Variants in NCAPG2 observed in about 807,000 individuals in gnomAD.
NCAPG2 encodes non-SMC condensin II complex subunit G2.
NCAPG2 carries 53 observed loss-of-function variants against 141.1 expected under a neutral mutation model. The ratio of observed to expected loss-of-function variants is 0.38; its 90% CI spans 0.30 to 0.47. NCAPG2 has a LOEUF of 0.47. NCAPG2 is among the 20% of genes least tolerant of loss of function. The pLI is 0.99. For missense variants in NCAPG2, 1,087 were observed against 1,389.0 expected (o/e 0.78, Z 3.46); for synonymous variants, 499 against 490.7 (o/e 1.02, Z -0.22).
intron 16 of NCAPG2, among the ~76,000 whole-genome samples, chr7:158,660,515 C>T (rs552431006): frequency 1.3e-5 from 2 of 148,782 alleles, no homozygotes; most frequent in African/African-American, 5.0e-5. Context: ...AAACTCTGGG[C>T]TCAAGCAATC....
chr7:158,643,940 T>C (rs1235154900), intron 27 of NCAPG2, among the ~76,000 whole-genome samples: 1 of 152,226 alleles, frequency 6.6e-6, no homozygotes, highest in Non-Finnish European at 1.5e-5. Flanking sequence ...CATGTGGGTA[T>C]TTGTCCGCTA....
intron 13 of NCAPG2, 61 bp from the exon 14 acceptor site, chr7:158,664,811 G>C: frequency 7.0e-7 from 1 of 1,422,538 alleles, no homozygotes; most frequent in Non-Finnish European, 9.5e-7. Flanking sequence ...CCTGGAAACA[G>C]CTTAAGAAAA....
chr7:158,651,667 C>A (rs1332172080), intron 23 of NCAPG2, among the ~76,000 whole-genome samples: 1 of 152,150 alleles, frequency 6.6e-6, no homozygotes, highest in African/African-American at 2.4e-5. Flanking sequence ...TAGGATGAAG[C>A]AAATCTGGCA....
At chr7:158,678,460 T>C (rs962448336) in intron 11 of NCAPG2, among the ~76,000 whole-genome samples, 2 of 152,230 alleles carry the variant, frequency 1.3e-5, no homozygotes, top group African/African-American at 4.8e-5. Context: ...TTTTATGGCA[T>C]GTGAAAATTA....
intron 16 of NCAPG2, among the ~76,000 whole-genome samples, chr7:158,660,279 G>T (rs149537850): frequency 6.6e-6 from 1 of 151,686 alleles, no homozygotes; most frequent in Non-Finnish European, 1.5e-5. Context: ...CCCTCTAAGG[G>T]TTTCAAATAC....
chr7:158,678,829 A>G (rs1392761834), intron 11 of NCAPG2, among the ~76,000 whole-genome samples: 1 of 151,266 alleles, frequency 6.6e-6, no homozygotes, highest in African/African-American at 2.4e-5. Context: ...TTGAAGAAGT[A>G]TACAGATATT....
At chr7:158,676,504 G>A (rs55669347) in intron 11 of NCAPG2, among the ~76,000 whole-genome samples, 45,714 of 151,866 alleles carry the variant, frequency 0.3, 7,076 homozygotes, top group East Asian at 0.4. Flanking sequence ...AGCAATCATC[G>A]TTAATTTATC....
At position 158,680,401 on chromosome 7, in the gene NCAPG2, C is replaced by T. The variant is rs150500398; in HGVS notation, c.1021-316G>A. On this transcript the variant is annotated intron_variant, in intron 10 of 27. Coordinates refer to ENST00000356309, the MANE Select transcript of NCAPG2 (RefSeq NM_017760.7). ...GTTAGATCTCAAGGATCTGGACAGC[C>T]CTGGACAGCCCAGGCCAGCGCGGCA... 1.9e-3 allele frequency among the ~76,000 whole-genome samples: 287 copies of T among 152,236 alleles called. 1 individual carries two copies. The highest frequency in any genetic ancestry group is 0.01 in the Middle Eastern group (3 of 294).
At chr7:158,690,197 G>A (rs147120621) in intron 5 of NCAPG2, among the ~76,000 whole-genome samples, 1 of 152,278 alleles carries the variant, frequency 6.6e-6, no homozygotes, top group African/African-American at 2.4e-5. Flanking sequence ...CCTCGATGAT[G>A]AAGATTTTAT....
chr7:158,655,309 A>G (rs1831825636), intron 20 of NCAPG2, 30 bp downstream of exon 20: 1 of 1,614,178 alleles, frequency 6.2e-7, no homozygotes, highest in Middle Eastern at 1.6e-4. Context: ...ACTGTGTATC[A>G]TCCTAATAGA....
intron 10 of NCAPG2, among the ~76,000 whole-genome samples, chr7:158,680,304 C>T (rs1283077625): frequency 6.6e-6 from 1 of 152,178 alleles, no homozygotes; most frequent in Non-Finnish European, 1.5e-5. Flanking sequence ...CACTTCATGT[C>T]ACTAAGAAGT....
intron 22 of NCAPG2, among the ~76,000 whole-genome samples, chr7:158,653,587 A>G (rs1831664565): frequency 6.6e-6 from 1 of 152,166 alleles, no homozygotes; most frequent in Non-Finnish European, 1.5e-5. Context: ...AGACAGATAC[A>G]CTGGGGGTGT....
At chr7:158,666,590 A>G (rs1034173047) in intron 13 of NCAPG2, among the ~76,000 whole-genome samples, 3 of 151,344 alleles carry the variant, frequency 2.0e-5, no homozygotes, top group African/African-American at 7.3e-5. Context: ...ACACAAATGC[A>G]CAGATCAGAG....
At chr7:158,675,878 C>T (rs1834019657) in intron 11 of NCAPG2, among the ~76,000 whole-genome samples, 1 of 152,180 alleles carries the variant, frequency 6.6e-6, no homozygotes, top group Non-Finnish European at 1.5e-5. Context: ...TGTGCCACAT[C>T]CCCTGACAGC....
intron 13 of NCAPG2, among the ~76,000 whole-genome samples, chr7:158,666,705 T>C (rs1216240856): frequency 6.6e-6 from 1 of 151,424 alleles, no homozygotes. Context: ...GGCAGGAGGA[T>C]CGCTTGAGGC....
At chr7:158,689,760 G>A in intron 6 of NCAPG2, 59 bp downstream of exon 6, 1 of 1,434,024 alleles carries the variant, frequency 7.0e-7, no homozygotes, top group Non-Finnish European at 9.3e-7. Context: ...TGTGAACACA[G>A]GAGAAACATC....
rs753845604 is a variant in NCAPG2, at chr7:158,701,941, A to G, written c.-39-3T>C. 6.7e-7 allele frequency: 1 copy of G among 1,487,212 alleles called. No homozygotes were observed. The highest frequency in any genetic ancestry group is 1.2e-5 in the South Asian group (1 of 82,456). The allele number at this position is 1,487,212 out of a possible 1,614,324, so 92.1% of individuals were successfully genotyped here. A position where few individuals can be genotyped will look rare whatever the true frequency, so the allele number is the denominator to read the frequency against. On this transcript the variant is annotated splice_polypyrimidine_tract_variant and splice_region_variant and intron_variant, in intron 1 of 27. Coordinates refer to ENST00000356309, the MANE Select transcript of NCAPG2 (RefSeq NM_017760.7). ...CAAATGGCATTTATTTTGTAACCCT[A>G]ATGGAAAACACAATCATACTGAAAC... is the stretch of plus-strand genomic sequence containing the variant.
intron 6 of NCAPG2, among the ~76,000 whole-genome samples, chr7:158,689,105 G>A (rs1834965387): frequency 6.6e-6 from 1 of 152,132 alleles, no homozygotes; most frequent in African/African-American, 2.4e-5. Context: ...AACTATGCGA[G>A]CCTCTCTGTA....
intron 5 of NCAPG2, among the ~76,000 whole-genome samples, chr7:158,690,171 G>T (rs532062382): frequency 2.0e-5 from 3 of 152,238 alleles, no homozygotes; most frequent in South Asian, 2.1e-4. Flanking sequence ...TAAAAATCCA[G>T]CAAGTTTAAG....
Sources: gnomAD v4.1 joint callset for allele counts (sites outside exome capture counted in the v4.1 genomes callset) on GRCh38, gnomAD v4.1.1 for gene constraint, MANE v1.5 for transcripts, NCBI Gene and HGNC (gene_info 2026-07-23, HGNC 2026-07-21) for gene names.